The following SMPX variants were observed in gnomAD, a reference collection of about 807,000 sequenced individuals.
SMPX encodes small muscle protein X-linked, also known as small muscular protein.
In SMPX, 2 loss-of-function variants were observed where a neutral mutation model predicts 6.3. The ratio of observed to expected loss-of-function variants is 0.32; its 90% CI spans 0.13 to 0.99. The LOEUF (loss-of-function observed/expected upper bound fraction) is 0.99. Among genes scored for constraint, SMPX ranks in the 50% least tolerant of loss-of-function variants. The pLI is 0.49. For missense variants in SMPX, 60 were observed against 66.8 expected (o/e 0.90, Z 0.36); for synonymous variants, 32 against 24.7 (o/e 1.30, Z -0.88).
rs748590318 is a variant in SMPX at position 21,754,240 on chromosome X, A to G, written c.45+6T>C. 6.6e-6 allele frequency: 8 copies of G among 1,205,338 alleles called. No individual in the cohort carries two copies. ...CAACCAGGCAAGAAGTTGCAGGGCT[A>G]CTTACCTGGATGGCTCTAACATTGG... is the stretch of plus-strand genomic sequence containing the variant. On this transcript the variant is annotated splice_donor_region_variant and intron_variant, in intron 2 of 4. Transcript: ENST00000379494.
At chrX:21,745,717 A>C (rs981976815) in intron 2 of SMPX, among the ~76,000 whole-genome samples, 2 of 111,839 alleles carry the variant, frequency 1.8e-5, no homozygotes, top group African/African-American at 6.5e-5. Context: ...AAGTTTAGTT[A>C]AATTGTCCCT....
chrX:21,735,165 A>G (rs2092809210), intron 4 of SMPX, among the ~76,000 whole-genome samples: 1 of 112,201 alleles, frequency 8.9e-6, no homozygotes, highest in African/African-American at 3.2e-5. Flanking sequence ...AGTTCACTGA[A>G]TCTATCAATG....
intron 3 of SMPX, among the ~76,000 whole-genome samples, chrX:21,741,352 G>A: frequency 8.9e-6 from 1 of 112,296 alleles, no homozygotes; most frequent in East Asian, 2.8e-4. Flanking sequence ...CGAATTTTAA[G>A]TCTACAAAAT....
At chrX:21,723,555 G>A (rs1380838899) in intron 4 of SMPX, among the ~76,000 whole-genome samples, 1 of 112,214 alleles carries the variant, frequency 8.9e-6, no homozygotes, top group Non-Finnish European at 1.9e-5. Context: ...ATTTTTAATA[G>A]AGATAGCTTT....
At chrX:21,747,236 T>A (rs1255454388) in intron 2 of SMPX, among the ~76,000 whole-genome samples, 1 of 111,660 alleles carries the variant, frequency 9.0e-6, no homozygotes, top group African/African-American at 3.3e-5. Context: ...CAATCCTTTG[T>A]ATTTCTTTTC....
intron 2 of SMPX, among the ~76,000 whole-genome samples, chrX:21,746,904 A>G (rs2092822101): frequency 9.0e-6 from 1 of 111,629 alleles, no homozygotes; most frequent in South Asian, 3.8e-4. Flanking sequence ...TTTGAATTTG[A>G]TAAAAATATG....
intron 4 of SMPX, among the ~76,000 whole-genome samples, chrX:21,726,937 C>A (rs769306452): frequency 1.5e-3 from 166 of 112,284 alleles, no homozygotes; most frequent in African/African-American, 5.1e-3. Flanking sequence ...TGTCTAGACT[C>A]TTTCTTTGTC....
At chrX:21,713,562 AGAGC>A (rs2092781019) in intron 4 of SMPX, among the ~76,000 whole-genome samples, 1 of 111,840 alleles carries the variant, frequency 8.9e-6, no homozygotes, top group African/African-American at 3.3e-5. Context: ...CAAGCAAGAG[AGAGC>A]ATGTGCAGGG....
chrX:21,738,826 G>T (rs1343070435), intron 3 of SMPX, among the ~76,000 whole-genome samples: 1 of 110,836 alleles, frequency 9.0e-6, no homozygotes, highest in African/African-American at 3.3e-5. Context: ...GCCTCAGTAC[G>T]GCACTGAAGT....
intron 2 of SMPX, 48 bp downstream of exon 2, chrX:21,754,198 A>G (rs1213903860): frequency 2.7e-6 from 3 of 1,108,659 alleles, no homozygotes; most frequent in Non-Finnish European, 3.7e-6. Context: ...CAATCGCCAG[A>G]AATATGACTT....
Position 21,757,959 on chromosome X carries a change from T to C in SMPX, c.-30A>G, listed in dbSNP as rs2092834660. 3.0e-6 allele frequency: 1 copy of C among 329,249 alleles called. No homozygotes were observed. Among genetic ancestry groups the C allele is most frequent in the Non-Finnish European group, 5.9e-6 (1 of 169,968 alleles). The allele number at this position is 329,249 out of a possible 1,213,427, so 27.1% of individuals were successfully genotyped here. ...CTGCTTACCTGCTTTATGTATTTGT[T>C]TACTGCCTAAGGGAAGTCCCAGGCA... On this transcript the variant is annotated 5_prime_UTR_variant, in exon 1 of 5. An upstream open reading frame in the 5' UTR loses its in-frame stop. Coordinates refer to ENST00000379494, the MANE Select transcript of SMPX (RefSeq NM_014332.3).
rs778246840 is a variant in SMPX, at chrX:21,732,877, G to A, written c.*14+4672C>T. On this transcript the variant is annotated intron_variant, in intron 4 of 4. Coordinates refer to ENST00000379494, the MANE Select transcript of SMPX (RefSeq NM_014332.3). ...TCATGAGTGTGGGGTCCCCATGATA[G>A]AATTAGCACCCTTATAAGAAGAGGA... Among the ~76,000 whole-genome samples the A allele has an allele frequency of 2.7e-5, 3 of 110,943 alleles. No individual in the cohort carries two copies. The Admixed American group carries it at 2.9e-4, about 11-fold the overall frequency.
At chrX:21,724,813 C>T (rs761551696) in intron 4 of SMPX, among the ~76,000 whole-genome samples, 1 of 112,361 alleles carries the variant, frequency 8.9e-6, no homozygotes, top group South Asian at 3.8e-4. Flanking sequence ...TGAGATTGAA[C>T]TGCAAAGTCA....
chrX:21,740,731 C>G (rs1162593513), intron 3 of SMPX, among the ~76,000 whole-genome samples: 4 of 112,425 alleles, frequency 3.6e-5, no homozygotes, highest in African/African-American at 1.3e-4. Flanking sequence ...GGAGAAGACT[C>G]AGGCACAGAA....
intron 4 of SMPX, 105 bp downstream of exon 4, chrX:21,737,444 G>C (rs2092811603): frequency 1.4e-6 from 1 of 738,850 alleles, no homozygotes; most frequent in Non-Finnish European, 2.1e-6. Context: ...AAGGCACCTG[G>C]TATTTAATGA....
chrX:21,706,727 T>C (rs2092773333), intron 4 of SMPX, among the ~76,000 whole-genome samples: 1 of 110,452 alleles, frequency 9.1e-6, no homozygotes, highest in South Asian at 3.9e-4. Flanking sequence ...ATGTCAAGGG[T>C]GGGGCCAGAT....
chrX:21,708,930 C>A (rs745450989), intron 4 of SMPX, among the ~76,000 whole-genome samples: 1 of 112,350 alleles, frequency 8.9e-6, no homozygotes, highest in African/African-American at 3.2e-5. Context: ...GTGTGACTGA[C>A]TTATTTTACT....
At chrX:21,751,445 C>T (rs888137222) in intron 2 of SMPX, among the ~76,000 whole-genome samples, 4 of 112,141 alleles carry the variant, frequency 3.6e-5, no homozygotes, top group Admixed American at 2.8e-4. Context: ...AGTATTGTCA[C>T]GCATTAAATT....
At chrX:21,715,301 T>C (rs866142327) in intron 4 of SMPX, among the ~76,000 whole-genome samples, 995 of 87,582 alleles carry the variant, frequency 0.011, 6 homozygotes, top group African/African-American at 0.033. Flanking sequence ...TGTGTGTGTG[T>C]GTGCGCGCAC....
Sources: allele counts gnomAD v4.1 joint callset (sites outside exome capture counted in the v4.1 genomes callset), GRCh38; gene constraint gnomAD v4.1.1; transcripts MANE v1.5; gene names NCBI Gene and HGNC (gene_info 2026-07-23, HGNC 2026-07-21).